Variants in PTP4A2 observed in about 807,000 individuals in gnomAD.
The protein encoded by PTP4A2 is protein tyrosine phosphatase 4A2, also known as protein tyrosine phosphatase type IVA 2.
PTP4A2 carries 2 observed loss-of-function variants against 22.9 expected under a neutral mutation model. The observed-to-expected ratio is 0.09, with a 90% CI of 0.04 to 0.27. PTP4A2 has a LOEUF of 0.27. PTP4A2 is among the 10% of genes least tolerant of loss of function. The probability of loss-of-function intolerance (pLI) is 1.00; values close to 1 mark genes in which losing one functional copy is unlikely to be tolerated. For missense variants in PTP4A2, 103 were observed against 205.1 expected, an observed-to-expected ratio of 0.50 and a Z score of 3.04; for synonymous variants, 68 against 69.1, an observed-to-expected ratio of 0.98 and a Z score of 0.08.
At chr1:31,917,947 C>CA (rs56791050) in intron 2 of PTP4A2, among the ~76,000 whole-genome samples, 1,072 of 81,244 alleles carry the variant, frequency 0.013, 9 homozygotes, top group East Asian at 0.03. Context: ...CACTCCGTCT[C>CA]AAAAAAAAAA....
At chr1:31,935,055 T>C (rs1482741614) in intron 1 of PTP4A2, among the ~76,000 whole-genome samples, 1 of 152,240 alleles carries the variant, frequency 6.6e-6, no homozygotes, top group Admixed American at 6.5e-5. Flanking sequence ...ATTAACAAAG[T>C]GCTTTCACGT....
chr1:31,923,448 C>A (rs1300569399), intron 1 of PTP4A2, among the ~76,000 whole-genome samples: 1 of 150,142 alleles, frequency 6.7e-6, no homozygotes, highest in Non-Finnish European at 1.5e-5. Context: ...CATTCTCCTG[C>A]CTCAGCCTCC....
chr1:31,930,131 G>A (rs1652657612), intron 1 of PTP4A2, among the ~76,000 whole-genome samples: 2 of 152,188 alleles, frequency 1.3e-5, no homozygotes, highest in Non-Finnish European at 1.5e-5. Flanking sequence ...GAGGTCAGCA[G>A]ATCGAGACCA....
chr1:31,918,781 A>G (rs1452440199), intron 2 of PTP4A2, among the ~76,000 whole-genome samples, 189 bp downstream of exon 2: 2 of 152,234 alleles, frequency 1.3e-5, no homozygotes, highest in African/African-American at 4.8e-5. Flanking sequence ...ACAGTACTAG[A>G]TATCTCTACA....
intron 3 of PTP4A2, chr1:31,914,251 G>A (rs1304110963): frequency 4.4e-6 from 2 of 455,720 alleles, no homozygotes; most frequent in East Asian, 1.4e-4. Context: ...ATTTTTCGGA[G>A]AGACAGGGTT....
rs142610563 is a variant in PTP4A2 at position 31,930,537 on chromosome 1, A to T, written c.-594+7450T>A. The stretch of plus-strand genomic sequence containing the variant: ...ATCCCAAAATACATCTTGTCAACAT[A>T]AATTATTTTGTTTGAGCCCCAGAAA... On this transcript the variant is annotated intron_variant, in intron 1 of 5. Transcript: ENST00000647444. Among the ~76,000 whole-genome samples the T allele has an allele frequency of 1.9e-3, 290 of 152,326 alleles. 2 individuals carry two copies. The highest frequency in any genetic ancestry group is 6.5e-3 in the African/African-American group (269 of 41,564).
At chr1:31,919,844 G>A (rs533600349) in intron 1 of PTP4A2, among the ~76,000 whole-genome samples, 186 bp from the exon 2 acceptor site, 8 of 152,078 alleles carry the variant, frequency 5.3e-5, no homozygotes, top group Non-Finnish European at 1.0e-4. Context: ...TCAGAGACTC[G>A]AGCCGGGTGT....
intron 1 of PTP4A2, among the ~76,000 whole-genome samples, chr1:31,923,614 G>A (rs1284075084): frequency 1.3e-5 from 2 of 152,050 alleles, no homozygotes; most frequent in Non-Finnish European, 2.9e-5. Flanking sequence ...GATTACAGGC[G>A]TGAGCCACCG....
chr1:31,920,536 CTTTT>C (rs35696767), intron 1 of PTP4A2, among the ~76,000 whole-genome samples: 62 of 130,240 alleles, frequency 4.8e-4, no homozygotes, highest in Non-Finnish European at 9.0e-4. Context: ...CTTCCATGAA[CTTTT>C]TTTTTTTTTT....
intron 1 of PTP4A2, among the ~76,000 whole-genome samples, chr1:31,923,551 G>A (rs375635378): frequency 6.6e-6 from 1 of 151,042 alleles, no homozygotes; most frequent in East Asian, 2.0e-4. Context: ...AGCCAGGATG[G>A]TCTCGATCTC....
Position 31,907,000 on chromosome 1 carries a change from G to A in PTP4A2, c.*1852C>T, listed in dbSNP as rs563775994. ...GTTTTAAAGTCCTAGAAACAATTTC[G>A]AAAAGCATTATTTTGTTTTGTTTTC... On this transcript the variant is annotated 3_prime_UTR_variant, in exon 6 of 6. Transcript: ENST00000647444. 2.0e-5 allele frequency: 3 copies of A among 152,190 alleles called. No individual in the cohort carries two copies. The highest frequency in any genetic ancestry group is 1.9e-4 in the East Asian group (1 of 5,180). The allele number at this position is 152,190 out of a possible 1,614,324, so 9.4% of individuals were successfully genotyped here. A position where few individuals can be genotyped will look rare whatever the true frequency, so the allele number is the denominator to read the frequency against.
intron 1 of PTP4A2, among the ~76,000 whole-genome samples, chr1:31,927,458 C>T (rs542257659): frequency 2.0e-5 from 3 of 152,082 alleles, no homozygotes; most frequent in East Asian, 3.9e-4. Context: ...CAAACCCGAG[C>T]GACATTCAAT....
intron 1 of PTP4A2, among the ~76,000 whole-genome samples, chr1:31,928,131 T>C (rs1652550254): frequency 6.7e-6 from 1 of 149,108 alleles, no homozygotes; most frequent in African/African-American, 2.4e-5. Flanking sequence ...TAAAATAATC[T>C]AGTCCTTGAA....
intron 3 of PTP4A2, chr1:31,913,651 A>G (rs1338232781): frequency 2.8e-6 from 1 of 353,744 alleles, no homozygotes; most frequent in South Asian, 2.2e-5. Flanking sequence ...TTTGATTTGC[A>G]TTTCCCAGAT....
chr1:31,923,074 G>A (rs954843199), intron 1 of PTP4A2, among the ~76,000 whole-genome samples: 4 of 151,428 alleles, frequency 2.6e-5, no homozygotes, highest in African/African-American at 9.7e-5. Flanking sequence ...TGTGATTACA[G>A]GCATATTTTT....
intron 4 of PTP4A2, 134 bp downstream of exon 4, chr1:31,911,562 T>C: frequency 1.2e-6 from 1 of 840,012 alleles, no homozygotes; most frequent in Non-Finnish European, 1.7e-6. Flanking sequence ...GTTTTTCCTC[T>C]CATTTCCTTT....
intron 5 of PTP4A2, among the ~76,000 whole-genome samples, chr1:31,909,404 G>A (rs1651411694): frequency 6.6e-6 from 1 of 152,070 alleles, no homozygotes. Context: ...GGCCAGGCGT[G>A]GTGGCTCACG....
chr1:31,912,578 G>A (rs1651594825), intron 3 of PTP4A2, among the ~76,000 whole-genome samples: 1 of 151,986 alleles, frequency 6.6e-6, no homozygotes, highest in Non-Finnish European at 1.5e-5. Context: ...GTATAGGCAG[G>A]GGTTTATCTT....
intron 5 of PTP4A2, among the ~76,000 whole-genome samples, chr1:31,909,371 G>C (rs530662267): frequency 6.6e-6 from 1 of 152,218 alleles, no homozygotes; most frequent in South Asian, 2.1e-4. Context: ...TCCCTGAATA[G>C]ATCACTTAAG....
Sources: gnomAD v4.1 joint callset for allele counts (sites outside exome capture counted in the v4.1 genomes callset) on GRCh38, gnomAD v4.1.1 for gene constraint, MANE v1.5 for transcripts, NCBI Gene and HGNC (gene_info 2026-07-23, HGNC 2026-07-21) for gene names.